Variants in THSD1 observed in about 807,000 individuals in gnomAD.
The protein encoded by THSD1 is thrombospondin type-1 domain-containing protein 1.
In THSD1, 34 loss-of-function variants were observed where a neutral mutation model predicts 46.3. That is an observed-to-expected ratio of 0.74 (90% CI 0.56 to 0.98). The LOEUF is 0.98. THSD1 is among the 50% of genes least tolerant of loss of function. The pLI is 0.00. For synonymous variants in THSD1, 407 were observed against 416.5 expected (o/e 0.98, Z 0.28); for missense variants, 1,023 against 1,058.3 (o/e 0.97, Z 0.46).
In THSD1 at chr13:52,377,215, G is replaced by T. The variant is rs1052734; in HGVS notation, c.*196C>A. ...CATTGTTATTACTAATAAATCAATA[G>T]AAATTGAATAACAAAGGAAAAAGCT... On this transcript the variant is annotated 3_prime_UTR_variant, in exon 5 of 5. Coordinates refer to ENST00000258613, the MANE Select transcript of THSD1 (RefSeq NM_018676.4). The T allele has an allele frequency of 6.1e-6, 8 of 1,312,988 alleles. No homozygotes were observed. The highest frequency in any genetic ancestry group is 6.8e-6 in the Non-Finnish European group (7 of 1,028,334). 81.3% of individuals were successfully genotyped at this position (1,312,988 alleles called of 1,614,324 possible). A position where few individuals can be genotyped will look rare whatever the true frequency, so the allele number is the denominator to read the frequency against.
chr13:52,394,152 T>A (rs1020985638), intron 3 of THSD1, among the ~76,000 whole-genome samples: 2 of 152,054 alleles, frequency 1.3e-5, no homozygotes, highest in African/African-American at 4.8e-5. Flanking sequence ...CCTTTAGACA[T>A]GGAATGGAAG....
chr13:52,379,506 C>T (rs113440364), intron 4 of THSD1, among the ~76,000 whole-genome samples: 1,775 of 151,830 alleles, frequency 0.012, 23 homozygotes, highest in African/African-American at 0.033. Flanking sequence ...GAGTCTTGCT[C>T]TGTCGCCCAG....
chr13:52,377,461 C>A lies in THSD1; in HGVS notation c.2509G>T (p.Glu837Ter). 1 of 1,543,802 alleles carries A rather than the reference C, an allele frequency of 6.5e-7. No individual in the cohort carries two copies. Among genetic ancestry groups the A allele is most frequent in the East Asian group, 2.3e-5 (1 of 44,074 alleles). The change falls in exon 5 of 5, where the codon GAA becomes TAA. Residue 837 changes from glutamate to a stop codon, truncating the protein, a stop_gained. Coordinates refer to ENST00000258613, the MANE Select transcript of THSD1 (RefSeq NM_018676.4). LOFTEE classifies it high-confidence loss of function. ...LDLPGYFGSN[E>*]EDETTSTLSV... ...AGTGTACTTGTGGTTTCATCCTCTT[C>A]ATTTGACCCAAAATATCCTGGGAGG...
rs1260661668 is a variant in THSD1, at chr13:52,386,114, C to T, written c.1094G>A (p.Arg365Gln). 5 of 1,614,006 alleles carry T rather than the reference C, an allele frequency of 3.1e-6. No individual in the cohort carries two copies. Among genetic ancestry groups the T allele is most frequent in the East Asian group, 2.2e-5 (1 of 44,860 alleles). ...GGAGGGGAAGGAAGTGAGACACACTCGGCGACGCTCTCTGACACCATCCCC... is the reference window on the plus strand; with the variant it reads ...GGAGGGGAAGGAAGTGAGACACACTTGGCGACGCTCTCTGACACCATCCCC... ...TCGDGVRERR[R>Q]VCLTSFPSSP... Residue 365 changes from arginine (R) to glutamine (Q), a missense_variant, in exon 4 of 5, where the codon CGA becomes CAA. Arg to Gln is a conservative substitution (Grantham distance 43, BLOSUM62 1). Transcript: ENST00000258613.
Position 52,402,539 on chromosome 13 carries a change from T to C in THSD1, c.58+4A>G. 6.2e-7 allele frequency: 1 copy of C among 1,613,386 alleles called. No homozygotes were observed. The highest frequency in any genetic ancestry group is 8.5e-7 in the Non-Finnish European group (1 of 1,179,410). On this transcript the variant is annotated splice_donor_region_variant and intron_variant, in intron 2 of 4. Transcript: ENST00000258613. Reference sequence around the variant, plus strand: ...GTAGCGTTAAGTATACTCACAATACTCACCATAGTCACAGAGTACCACCAA... The same window carrying C: ...GTAGCGTTAAGTATACTCACAATACCCACCATAGTCACAGAGTACCACCAA...
In THSD1 at chr13:52,397,610, C is replaced by T; in HGVS notation, c.643G>A (p.Val215Ile). Residue 215 changes from valine to isoleucine, a missense_variant, in exon 3 of 5, where the codon GTC becomes ATC. Around this residue, in one of 3 missense-constraint regions of THSD1, gnomAD observed 429 missense variants for 518.3 expected, o/e 0.83. Transcript: ENST00000258613. ...CCAAGCAGCTTCAGCACCACGGTGACATAGGCTTCTGGCCCCAAGGGTGCA... is the reference window on the plus strand; with the variant it reads ...CCAAGCAGCTTCAGCACCACGGTGATATAGGCTTCTGGCCCCAAGGGTGCA... ...GCAPLGPEAY[V>I]TVVLKLLGRD... is the part of the protein sequence containing the mutation. 1 of 1,614,198 alleles carries T rather than the reference C, an allele frequency of 6.2e-7. No individual in the cohort carries two copies. Among genetic ancestry groups the T allele is most frequent in the Non-Finnish European group, 8.5e-7 (1 of 1,180,016 alleles).
chr13:52,401,833 T>C (rs1203172915), intron 2 of THSD1, among the ~76,000 whole-genome samples: 1 of 152,208 alleles, frequency 6.6e-6, no homozygotes, highest in Non-Finnish European at 1.5e-5. Context: ...TCCACTGCCA[T>C]GCAATCAACT....
chr13:52,385,446 C>A (rs113483742), intron 4 of THSD1, among the ~76,000 whole-genome samples: 2 of 152,116 alleles, frequency 1.3e-5, no homozygotes, highest in Non-Finnish European at 2.9e-5. Context: ...TGACCAGCTA[C>A]GAGTATGTGC....
chr13:52,380,146 T>C (rs1336296680), intron 4 of THSD1, among the ~76,000 whole-genome samples: 1 of 152,060 alleles, frequency 6.6e-6, no homozygotes, highest in Non-Finnish European at 1.5e-5. Flanking sequence ...ATCAAAATGT[T>C]TCATCAAAAT....
chr13:52,405,312 A>C (rs1957898365), intron 1 of THSD1, among the ~76,000 whole-genome samples: 2 of 152,238 alleles, frequency 1.3e-5, no homozygotes, highest in African/African-American at 4.8e-5. Context: ...CTGCAGAAAA[A>C]GTAAATGAAT....
intron 4 of THSD1, 127 bp from the exon 5 acceptor site, chr13:52,378,916 GCA>G (rs1262953305): frequency 9.3e-7 from 1 of 1,078,326 alleles, no homozygotes; most frequent in Non-Finnish European, 1.3e-6. Flanking sequence ...AGGCTGGAGT[GCA>G]ATGGTGTGAT....
At chr13:52,402,446 G>A in intron 2 of THSD1, 97 bp downstream of exon 2, 1 of 1,217,074 alleles carries the variant, frequency 8.2e-7, no homozygotes, top group East Asian at 2.4e-5. Flanking sequence ...ACCCTACCCT[G>A]CCTCCTTCAG....
Position 52,378,371 on chromosome 13 carries a change from G to A in THSD1, c.1599C>T (p.Ala533=), listed in dbSNP as rs754616221. ...IIPPLFSYRL[A]QQQLKEMKKK... ...TTTTCATCTCCTTTAACTGCTGCTGGGCAAGGCGGTAGCTGAACAGAGGTG... is the reference window on the plus strand; with the variant it reads ...TTTTCATCTCCTTTAACTGCTGCTGAGCAAGGCGGTAGCTGAACAGAGGTG... Residue 533 remains alanine, a synonymous_variant, in exon 5 of 5, where the codon GCC becomes GCT. Coordinates refer to ENST00000258613, the MANE Select transcript of THSD1 (RefSeq NM_018676.4). 1 of 1,614,072 alleles carries A rather than the reference G, an allele frequency of 6.2e-7. No individual in the cohort carries two copies. Among genetic ancestry groups the A allele is most frequent in the South Asian group, 1.1e-5 (1 of 91,086 alleles).
intron 2 of THSD1, 111 bp from the exon 3 acceptor site, chr13:52,398,305 C>G: frequency 6.8e-7 from 1 of 1,473,718 alleles, no homozygotes; most frequent in Non-Finnish European, 9.0e-7. Context: ...GGGTCTCATG[C>G]TGTCACCGAG....
intron 4 of THSD1, chr13:52,384,143 C>T: frequency 3.0e-6 from 1 of 335,170 alleles, no homozygotes; most frequent in Non-Finnish European, 5.7e-6. Context: ...GAGATCGCAC[C>T]ATTGCACTCC....
intron 1 of THSD1, 111 bp from the exon 2 acceptor site, chr13:52,402,792 A>G: frequency 2.9e-6 from 4 of 1,377,780 alleles, no homozygotes; most frequent in Middle Eastern, 2.0e-4. Context: ...TGATATTGAA[A>G]GGAAACTAGA....
At chr13:52,396,209 CA>C (rs1293186962) in intron 3 of THSD1, among the ~76,000 whole-genome samples, 2 of 152,088 alleles carry the variant, frequency 1.3e-5, no homozygotes, top group Non-Finnish European at 1.5e-5. Context: ...AGTCAGGGGA[CA>C]CTGGGCTTAC....
rs7997389 is a variant in THSD1, at chr13:52,377,167, T to C, written c.*244A>G. On this transcript the variant is annotated 3_prime_UTR_variant, in exon 5 of 5. Transcript: ENST00000258613. ...TAGCCACATGACAGACCAAGCCCCA[T>C]TTGCTCATTTACATTTTATTATCAT... 1,503 of 1,228,934 alleles carry C rather than the reference T, an allele frequency of 1.2e-3. 11 individuals carry two copies. The African/African-American group carries it at 0.017, about 14-fold the overall frequency. 76.1% of individuals were successfully genotyped at this position (1,228,934 alleles called of 1,614,324 possible). A position where few individuals can be genotyped will look rare whatever the true frequency, so the allele number is the denominator to read the frequency against.
At position 52,377,675 on chromosome 13, in the gene THSD1, G is replaced by C; in HGVS notation, c.2295C>G (p.Pro765=). ...EPHRARRGPS[P]SHKSVSRKQS... ...GCTTCCTTGAGACACTCTTGTGACT[G>C]GGGGACGGTCCCCGACGAGCTCTGT... is the stretch of plus-strand genomic sequence containing the variant. The change falls in exon 5 of 5, where the codon CCC becomes CCG. Residue 765 remains proline (P), a synonymous_variant. Coordinates refer to ENST00000258613, the MANE Select transcript of THSD1 (RefSeq NM_018676.4). The C allele has an allele frequency of 3.1e-6, 5 of 1,609,996 alleles. No homozygotes were observed. The highest frequency in any genetic ancestry group is 4.2e-6 in the Non-Finnish European group (5 of 1,176,862).
Sources: gnomAD v4.1 joint callset for allele counts (sites outside exome capture counted in the v4.1 genomes callset) on GRCh38, gnomAD v4.1.1 for gene constraint, gnomAD v4.1.1 regional missense constraint, MANE v1.5 for transcripts, NCBI Gene and HGNC (gene_info 2026-07-23, HGNC 2026-07-21) for gene names.